CERS6: variants seen among roughly 807,000 people sequenced by gnomAD.
CERS6 encodes the protein ceramide synthase 6, also known as LAG1 homolog, ceramide synthase 6.
CERS6 carries 26 observed loss-of-function variants against 56.8 expected under a neutral mutation model. The ratio of observed to expected loss-of-function variants is 0.46; its 90% CI spans 0.34 to 0.63. CERS6 has a LOEUF of 0.63. Ranked by LOEUF, CERS6 falls within the 30% of genes least tolerant of loss-of-function variation. The pLI, the probability that CERS6 is intolerant of heterozygous loss-of-function variation, is 0.01. For synonymous variants in CERS6, 164 were observed against 173.3 expected (o/e 0.95, Z 0.42); for missense variants, 415 against 467.5 (o/e 0.89, Z 1.04).
rs146657043 is a variant in CERS6, at chr2:168,715,087, G to T, written c.696G>T (p.Thr232=). 8.7e-6 allele frequency: 14 copies of T among 1,612,540 alleles called. No homozygotes were observed. Among genetic ancestry groups the T allele is most frequent in the African/African-American group, 2.7e-5 (2 of 74,832 alleles). Residue 232 remains threonine, a synonymous_variant, in exon 7 of 10, where the codon ACG becomes ACT. Coordinates refer to ENST00000305747, the MANE Select transcript of CERS6 (RefSeq NM_203463.3). The stretch of plus-strand genomic sequence containing the variant: ...TCAACAATATGGCCCGAGTAGGAAC[G>T]CTGGTCCTTTGTCTTCATGATTCAG... The part of the protein sequence containing the change: ...SYVNNMARVG[T]LVLCLHDSAD...
intron 1 of CERS6, among the ~76,000 whole-genome samples, chr2:168,530,298 G>A (rs1247113073): frequency 6.6e-6 from 1 of 152,202 alleles, no homozygotes; most frequent in Non-Finnish European, 1.5e-5. Context: ...TTCCATGAGA[G>A]GGGCAGACAG....
chr2:168,656,014 C>T (rs988537461), intron 4 of CERS6, among the ~76,000 whole-genome samples: 2 of 152,238 alleles, frequency 1.3e-5, no homozygotes, highest in Non-Finnish European at 2.9e-5. Context: ...AAAATAAATA[C>T]GGATAGTATG....
intron 2 of CERS6, among the ~76,000 whole-genome samples, chr2:168,558,385 G>A (rs1034236868): frequency 6.6e-6 from 1 of 152,088 alleles, no homozygotes; most frequent in Admixed American, 6.5e-5. Context: ...GTAAATTATG[G>A]TATATCTTTA....
intron 4 of CERS6, among the ~76,000 whole-genome samples, chr2:168,657,779 C>G (rs1004218997): frequency 6.6e-6 from 1 of 152,238 alleles, no homozygotes; most frequent in South Asian, 2.1e-4. Flanking sequence ...CCAGCTGGCC[C>G]GCAAGCGCCG....
chr2:168,512,173 T>C (rs1300791383), intron 1 of CERS6, among the ~76,000 whole-genome samples: 2 of 152,146 alleles, frequency 1.3e-5, no homozygotes, highest in Non-Finnish European at 2.9e-5. Flanking sequence ...TGCCAGGAGC[T>C]AGGAGGAGAG....
chr2:168,476,275 TAAAG>T (rs944389103), intron 1 of CERS6, among the ~76,000 whole-genome samples: 6 of 149,158 alleles, frequency 4.0e-5, no homozygotes, highest in African/African-American at 7.4e-5. Flanking sequence ...AGGAAGCTAA[TAAAG>T]AAAAAAAAAT....
chr2:168,713,813 A>G (rs550618806), intron 6 of CERS6, among the ~76,000 whole-genome samples: 2 of 152,038 alleles, frequency 1.3e-5, no homozygotes, highest in African/African-American at 4.8e-5. Context: ...TGTAGGTCCT[A>G]TCAGAAGAGC....
At chr2:168,743,182 A>G (rs963610934) in intron 8 of CERS6, among the ~76,000 whole-genome samples, 4 of 148,800 alleles carry the variant, frequency 2.7e-5, no homozygotes, top group Admixed American at 6.7e-5. Context: ...GTGTGTGTGT[A>G]TGTGTGTGTG....
At chr2:168,717,102 G>C (rs963697546) in intron 7 of CERS6, among the ~76,000 whole-genome samples, 1 of 152,140 alleles carries the variant, frequency 6.6e-6, no homozygotes, top group Non-Finnish European at 1.5e-5. Flanking sequence ...AGATGGTAGA[G>C]AAAGGGATGT....
chr2:168,624,188 G>C (rs79160893), intron 3 of CERS6, among the ~76,000 whole-genome samples: 4,436 of 152,234 alleles, frequency 0.029, 190 homozygotes, highest in African/African-American at 0.096. Flanking sequence ...ATTTCACATT[G>C]AGTGTGTGCT....
chr2:168,484,408 C>T (rs75521796), intron 1 of CERS6, among the ~76,000 whole-genome samples: 10,973 of 151,446 alleles, frequency 0.072, 452 homozygotes, highest in East Asian at 0.18. Flanking sequence ...CTCGAACTCC[C>T]GACCTCAGGT....
intron 8 of CERS6, among the ~76,000 whole-genome samples, chr2:168,754,763 C>T (rs913283544): frequency 6.6e-6 from 1 of 152,140 alleles, no homozygotes; most frequent in Non-Finnish European, 1.5e-5. Context: ...TATACATTCT[C>T]TGTTTGTTTT....
intron 4 of CERS6, among the ~76,000 whole-genome samples, chr2:168,636,236 C>T (rs545301675): frequency 2.4e-4 from 37 of 152,238 alleles, no homozygotes; most frequent in Admixed American, 7.2e-4. Context: ...GATGAATTGA[C>T]TTGCCCGAAG....
chr2:168,657,786 G>A (rs989144426), intron 4 of CERS6, among the ~76,000 whole-genome samples: 3 of 152,202 alleles, frequency 2.0e-5, no homozygotes, highest in South Asian at 2.1e-4. Context: ...GCCCGCAAGC[G>A]CCGCACGCAG....
At chr2:168,663,133 C>G (rs1394425583) in intron 4 of CERS6, among the ~76,000 whole-genome samples, 3 of 152,114 alleles carry the variant, frequency 2.0e-5, no homozygotes, top group Non-Finnish European at 2.9e-5. Flanking sequence ...CTTTGAGAAC[C>G]TGATGCTTTT....
intron 6 of CERS6, 46 bp downstream of exon 6, chr2:168,695,097 A>G (rs762652370): frequency 1.1e-5 from 16 of 1,483,336 alleles, no homozygotes; most frequent in African/African-American, 2.8e-5. Flanking sequence ...TGCATCTTTA[A>G]TGGCCCTTAG....
In CERS6 at chr2:168,636,727, C is replaced by G. The variant is rs563282206; in HGVS notation, c.465+5685C>G. On this transcript the variant is annotated intron_variant, in intron 4 of 9. Transcript: ENST00000305747. The stretch of plus-strand genomic sequence containing the variant: ...CTGCTTATTGCATCTTCCTTTCCCT[C>G]TTCTACCTACATCTACCCTCTTGCA... Among the ~76,000 whole-genome samples the G allele has an allele frequency of 2.6e-5, 4 of 152,316 alleles. No homozygotes were observed. In the East Asian group the frequency reaches 7.7e-4, roughly 29 times the overall value.
intron 1 of CERS6, among the ~76,000 whole-genome samples, chr2:168,460,917 G>C (rs951400093): frequency 1.3e-5 from 2 of 152,168 alleles, no homozygotes; most frequent in African/African-American, 4.8e-5. Flanking sequence ...TGGCCAGCAG[G>C]CTTTTTCTTT....
intron 8 of CERS6, among the ~76,000 whole-genome samples, chr2:168,749,253 T>C (rs987732023): frequency 6.6e-6 from 1 of 151,082 alleles, no homozygotes; most frequent in Non-Finnish European, 1.5e-5. Flanking sequence ...TCATACTATT[T>C]GTTTAAGTTG....
Sources: allele counts gnomAD v4.1 joint callset (sites outside exome capture counted in the v4.1 genomes callset), GRCh38; gene constraint gnomAD v4.1.1; transcripts MANE v1.5; gene names NCBI Gene and HGNC (gene_info 2026-07-23, HGNC 2026-07-21).